The following FBLN7 variants were observed in gnomAD, a reference collection of about 807,000 sequenced individuals.
FBLN7 encodes fibulin 7.
A neutral mutation model predicts 44.0 loss-of-function variants in FBLN7; 31 were observed. The observed-to-expected ratio is 0.70, with a 90% CI of 0.53 to 0.95. The LOEUF is 0.95. FBLN7 is among the 40% of genes least tolerant of loss of function. FBLN7 has a pLI of 0.00. For synonymous variants in FBLN7, 262 were observed against 253.4 expected, an observed-to-expected ratio of 1.03 and a Z score of -0.32; for missense variants, 573 against 618.5, an observed-to-expected ratio of 0.93 and a Z score of 0.78.
At chr2:112,167,885 G>GTTATGTTATGTTATGTTATGTTATC (rs1222893736) in intron 3 of FBLN7, among the ~76,000 whole-genome samples, 9 of 31,876 alleles carry the variant, frequency 2.8e-4, no homozygotes, top group African/African-American at 1.8e-3. Context: ...GTTATGTTAT[G>GTTATGTTATGTTATGTTATGTTATC]TTATGTTATG....
downstream of FBLN7, among the ~76,000 whole-genome samples, chr2:112,191,150 T>C (rs1373684289): frequency 6.6e-6 from 1 of 151,330 alleles, no homozygotes; most frequent in Non-Finnish European, 1.5e-5. Context: ...CAAATTTTTA[T>C]TTTTTTGTAG....
chr2:112,148,758 T>A (rs1226132604), intron 1 of FBLN7, among the ~76,000 whole-genome samples: 1 of 152,166 alleles, frequency 6.6e-6, no homozygotes, highest in African/African-American at 2.4e-5. Context: ...GCTTTTCTCA[T>A]GGTGGTTGTG....
In FBLN7 at chr2:112,169,116, AC is replaced by A. The variant is rs540120447; in HGVS notation, c.406+3946del. 9.2e-5 allele frequency among the ~76,000 whole-genome samples: 14 copies of A among 152,256 alleles called. No individual in the cohort carries two copies. In the East Asian group the frequency reaches 2.7e-3, roughly 29 times the overall value. On this transcript the variant is annotated intron_variant, in intron 3 of 7. Transcript: ENST00000331203. ...TGAAACCCCATCTCTACTAAAAAATACAAAAATTAGCTAGGCGTGGTGGTGG... is the reference window on the plus strand; with the variant it reads ...TGAAACCCCATCTCTACTAAAAAATAAAAAATTAGCTAGGCGTGGTGGTGG...
chr2:112,227,550 T>C, the FBLN7 span, among the ~76,000 whole-genome samples: 2 of 152,104 alleles, frequency 1.3e-5, no homozygotes, highest in Non-Finnish European at 2.9e-5. Flanking sequence ...AGACATAACA[T>C]AATCCTACAT....
chr2:112,219,384 A>C, the FBLN7 span, among the ~76,000 whole-genome samples: 1 of 152,220 alleles, frequency 6.6e-6, no homozygotes, highest in African/African-American at 2.4e-5. Flanking sequence ...TCCTCATGCA[A>C]AACAGTGAAG....
At chr2:112,194,019 G>A in the FBLN7 span, among the ~76,000 whole-genome samples, 1 of 152,182 alleles carries the variant, frequency 6.6e-6, no homozygotes, top group African/African-American at 2.4e-5. Flanking sequence ...TGGGCCAGTA[G>A]TTCAGAGAGA....
chr2:112,191,112 G>T (rs796935838), downstream of FBLN7, among the ~76,000 whole-genome samples: 94 of 152,208 alleles, frequency 6.2e-4, 1 homozygote, highest in African/African-American at 2.2e-3. Context: ...GAGTAGCTGG[G>T]ACTACAGGTC....
the FBLN7 span, among the ~76,000 whole-genome samples, chr2:112,211,228 T>G: frequency 6.6e-6 from 1 of 152,204 alleles, no homozygotes; most frequent in Non-Finnish European, 1.5e-5. Flanking sequence ...TGCCCCACAT[T>G]TTTTTAGAGT....
At chr2:112,159,641 C>T in intron 1 of FBLN7, 35 bp from the exon 2 acceptor site, 1 of 1,481,024 alleles carries the variant, frequency 6.8e-7, no homozygotes, top group Non-Finnish European at 9.0e-7. Context: ...GAGTCAGTCT[C>T]AATGGGTGGT....
chr2:112,138,433 C>A lies in FBLN7; in HGVS notation c.-223C>A. On this transcript the variant is annotated 5_prime_UTR_variant, in exon 1 of 8. Transcript: ENST00000331203. ...CCCGCCTCGCGCGGACTGTCTCGTG[C>A]GGGCAGCTGCGGGCGCACCTGGACC... is the stretch of plus-strand genomic sequence containing the variant. 2 of 261,822 alleles carry A rather than the reference C, an allele frequency of 7.6e-6. No homozygotes were observed. Among genetic ancestry groups the A allele is most frequent in the Non-Finnish European group, 1.3e-5 (2 of 148,330 alleles). The allele number at this position is 261,822 out of a possible 1,614,324, so 16.2% of individuals were successfully genotyped here.
At chr2:112,212,988 T>TTTTTTTTTTTTC in the FBLN7 span, 5 of 115,568 alleles carry the variant, frequency 4.3e-5, no homozygotes, top group African/African-American at 1.7e-4. Context: ...TTTTTTTTTT[T>TTTTTTTTTTTTC]ATAAGAGACA....
At chr2:112,197,614 A>G in the FBLN7 span, among the ~76,000 whole-genome samples, 1 of 152,146 alleles carries the variant, frequency 6.6e-6, no homozygotes, top group African/African-American at 2.4e-5. Context: ...TAAATCACCT[A>G]TTGCTGAAAG....
At chr2:112,169,552 G>A (rs1388795140) in intron 3 of FBLN7, among the ~76,000 whole-genome samples, 1 of 152,198 alleles carries the variant, frequency 6.6e-6, no homozygotes, top group African/African-American at 2.4e-5. Flanking sequence ...CGTCATGCTG[G>A]TGGAAAGGAA....
the FBLN7 span, chr2:112,211,498 T>C: frequency 6.6e-6 from 1 of 152,184 alleles, no homozygotes; most frequent in Admixed American, 6.5e-5. Flanking sequence ...TATAATTCAC[T>C]CATCCATAAT....
chr2:112,177,275 C>G (rs1682781061), intron 4 of FBLN7: 1 of 152,198 alleles, frequency 6.6e-6, no homozygotes, highest in Admixed American at 6.5e-5. Context: ...CCAGGGGGGC[C>G]TGTTATAAAG....
At chr2:112,139,462 C>A (rs537394233) in intron 1 of FBLN7, among the ~76,000 whole-genome samples, 215 of 18,076 alleles carry the variant, frequency 0.012, 15 homozygotes, top group Middle Eastern at 0.1. Flanking sequence ...AGTGTCCCTC[C>A]CGCCTCTCTC....
the FBLN7 span, chr2:112,231,729 T>C: frequency 7.6e-6 from 4 of 523,210 alleles, no homozygotes; most frequent in South Asian, 4.2e-5. Flanking sequence ...ATATATCCCA[T>C]ATGCTAACCT....
intron 2 of FBLN7, among the ~76,000 whole-genome samples, chr2:112,160,529 T>C (rs1355839523): frequency 6.6e-6 from 1 of 152,106 alleles, no homozygotes; most frequent in East Asian, 1.9e-4. Context: ...CCAGTTTTGG[T>C]TTTGTTTTCA....
chr2:112,228,529 T>A, the FBLN7 span, among the ~76,000 whole-genome samples: 1 of 147,916 alleles, frequency 6.8e-6, no homozygotes, highest in Admixed American at 6.7e-5. Context: ...GCTGGGACAA[T>A]TGGACATCTA....
Sources: allele counts gnomAD v4.1 joint callset (sites outside exome capture counted in the v4.1 genomes callset), GRCh38; gene constraint gnomAD v4.1.1; transcripts MANE v1.5; gene names NCBI Gene and HGNC (gene_info 2026-07-23, HGNC 2026-07-21).